Variants in TAFA2 observed in about 807,000 individuals in gnomAD.
The protein encoded by TAFA2 is chemokine-like protein TAFA-2.
TAFA2 carries 7 observed loss-of-function variants against 18.8 expected under a neutral mutation model. The ratio of observed to expected loss-of-function variants is 0.37; its 90% CI spans 0.21 to 0.70. The LOEUF (loss-of-function observed/expected upper bound fraction) is 0.70. Among genes scored for constraint, TAFA2 ranks in the 30% least tolerant of loss-of-function variants. TAFA2 has a pLI of 0.53. For synonymous variants in TAFA2, 60 were observed against 54.2 expected, an observed-to-expected ratio of 1.11 and a Z score of -0.47; for missense variants, 122 against 158.1, an observed-to-expected ratio of 0.77 and a Z score of 1.23.
intron 1 of TAFA2, among the ~76,000 whole-genome samples, chr12:61,924,627 G>A (rs1384643950): frequency 6.6e-6 from 1 of 152,186 alleles, no homozygotes; most frequent in African/African-American, 2.4e-5. Context: ...ACCAGCCACT[G>A]TAAAAACATA....
chr12:62,257,186 G>GACACAA, intron 1 of TAFA2, among the ~76,000 whole-genome samples: 1 of 27,460 alleles, frequency 3.6e-5, no homozygotes, highest in East Asian at 1.2e-3. Context: ...GTGTGTGTGT[G>GACACAA]TGTGTGTGTG....
chr12:62,082,551 C>A (rs186246296), intron 1 of TAFA2, among the ~76,000 whole-genome samples: 1 of 152,114 alleles, frequency 6.6e-6, no homozygotes, highest in East Asian at 1.9e-4. Context: ...AGCAGTGAGG[C>A]GCTGGGGCTA....
In TAFA2 at chr12:61,884,225, A is replaced by G. The variant is rs1031156792; in HGVS notation, c.-1-16799T>C. 2.0e-5 allele frequency among the ~76,000 whole-genome samples: 3 copies of G among 152,304 alleles called. No homozygotes were observed. The East Asian group carries it at 5.8e-4, about 29-fold the overall frequency. On this transcript the variant is annotated intron_variant, in intron 1 of 4. Transcript: ENST00000416284. Reference sequence around the variant, plus strand: ...GCTTGAAACGATGGCGCTGACCCAGAATATTTAGAATGCTGACGGCGACAT... The same window carrying G: ...GCTTGAAACGATGGCGCTGACCCAGGATATTTAGAATGCTGACGGCGACAT...
chr12:62,014,143 C>T (rs1880853304), intron 1 of TAFA2, among the ~76,000 whole-genome samples: 1 of 150,826 alleles, frequency 6.6e-6, no homozygotes, highest in South Asian at 2.1e-4. Flanking sequence ...ACATCGAAAA[C>T]CTTAATTTTA....
chr12:61,881,459 T>TA, intron 1 of TAFA2, among the ~76,000 whole-genome samples: 2 of 152,246 alleles, frequency 1.3e-5, no homozygotes, highest in East Asian at 3.9e-4. Flanking sequence ...AAAGGTGCAG[T>TA]AAAAATAGCA....
At chr12:62,145,904 C>G (rs1048619364) in intron 1 of TAFA2, among the ~76,000 whole-genome samples, 1 of 152,216 alleles carries the variant, frequency 6.6e-6, no homozygotes. Context: ...TGGCGATACC[C>G]CCTTGGGTAG....
intron 1 of TAFA2, among the ~76,000 whole-genome samples, chr12:62,004,845 C>T (rs1247444944): frequency 6.6e-6 from 1 of 151,898 alleles, no homozygotes; most frequent in Non-Finnish European, 1.5e-5. Flanking sequence ...TATTAATAAG[C>T]CTTAAAAATG....
chr12:61,903,928 T>C (rs2121324278), intron 1 of TAFA2, among the ~76,000 whole-genome samples: 1 of 152,290 alleles, frequency 6.6e-6, no homozygotes, highest in Non-Finnish European at 1.5e-5. Flanking sequence ...GGAATAATAA[T>C]AGTCTAAGTA....
At chr12:61,924,159 C>T (rs145614418) in intron 1 of TAFA2, among the ~76,000 whole-genome samples, 141 of 152,124 alleles carry the variant, frequency 9.3e-4, no homozygotes, top group African/African-American at 2.9e-3. Context: ...AGTTGGAAAA[C>T]GCACTTCAAG....
chr12:61,922,027 G>A (rs868182952), intron 1 of TAFA2, among the ~76,000 whole-genome samples: 6 of 152,184 alleles, frequency 3.9e-5, no homozygotes, highest in African/African-American at 1.4e-4. Flanking sequence ...GTTCGATTTA[G>A]CAATGCAGAA....
intron 1 of TAFA2, among the ~76,000 whole-genome samples, chr12:61,900,472 G>T (rs947002717): frequency 2.6e-5 from 4 of 152,170 alleles, no homozygotes; most frequent in Non-Finnish European, 4.4e-5. Flanking sequence ...AAAGGAAAAA[G>T]ATTTAATTGA....
intron 1 of TAFA2, among the ~76,000 whole-genome samples, chr12:62,003,683 C>T (rs572582634): frequency 6.6e-6 from 1 of 152,290 alleles, no homozygotes; most frequent in South Asian, 2.1e-4. Context: ...TGCTTCTCTC[C>T]TGTCTACCAC....
At chr12:62,111,039 G>A (rs894717637) in intron 1 of TAFA2, among the ~76,000 whole-genome samples, 1 of 151,884 alleles carries the variant, frequency 6.6e-6, no homozygotes, top group Non-Finnish European at 1.5e-5. Flanking sequence ...TTTTGTATTT[G>A]TTTTCTCTTG....
At chr12:62,140,713 C>A (rs959466553) in intron 1 of TAFA2, among the ~76,000 whole-genome samples, 2 of 152,198 alleles carry the variant, frequency 1.3e-5, no homozygotes, top group Non-Finnish European at 2.9e-5. Context: ...CACAAGTTTT[C>A]AGCCAGCCTA....
At chr12:61,795,792 AAAAT>A (rs1871164799) in intron 2 of TAFA2, among the ~76,000 whole-genome samples, 3 of 151,994 alleles carry the variant, frequency 2.0e-5, no homozygotes, top group East Asian at 3.9e-4. Context: ...AAGAAAAAGA[AAAAT>A]AAAATAAGAT....
intron 2 of TAFA2, among the ~76,000 whole-genome samples, chr12:61,783,693 G>A (rs1227624581): frequency 6.6e-6 from 1 of 151,516 alleles, no homozygotes; most frequent in Non-Finnish European, 1.5e-5. Flanking sequence ...GTGAGGCAAT[G>A]GGTAGTTAGT....
intron 2 of TAFA2, among the ~76,000 whole-genome samples, chr12:61,764,826 T>G (rs1294747511): frequency 6.6e-6 from 1 of 152,118 alleles, no homozygotes; most frequent in Non-Finnish European, 1.5e-5. Context: ...TTAGATATAT[T>G]TCTTATCTGT....
intron 4 of TAFA2, among the ~76,000 whole-genome samples, chr12:61,733,180 T>G (rs1240191053): frequency 1.8e-4 from 27 of 152,174 alleles, no homozygotes; most frequent in Admixed American, 1.8e-3. Flanking sequence ...TAGCCCTCTG[T>G]CAGATGAGTA....
At chr12:62,131,181 G>A (rs1227090075) in intron 1 of TAFA2, among the ~76,000 whole-genome samples, 1 of 151,708 alleles carries the variant, frequency 6.6e-6, no homozygotes, top group Non-Finnish European at 1.5e-5. Flanking sequence ...GAAATTGAGG[G>A]CACAAAAGCA....
Sources: allele counts gnomAD v4.1 joint callset (sites outside exome capture counted in the v4.1 genomes callset), GRCh38; gene constraint gnomAD v4.1.1; transcripts MANE v1.5; gene names NCBI Gene and HGNC (gene_info 2026-07-23, HGNC 2026-07-21).